The following NEDD4L variants were observed in gnomAD, a reference collection of about 807,000 sequenced individuals.
NEDD4L encodes NEDD4 like E3 ubiquitin protein ligase, also known as E3 ubiquitin-protein ligase NEDD4-like.
NEDD4L carries 54 observed loss-of-function variants against 148.9 expected under a neutral mutation model. The observed-to-expected ratio is 0.36, with a 90% CI of 0.29 to 0.45. The LOEUF (loss-of-function observed/expected upper bound fraction) is 0.45, where lower values mean the gene tolerates loss of function less well. NEDD4L is among the 20% of genes least tolerant of loss of function. The pLI is 1.00. For missense variants in NEDD4L, 856 were observed against 1,233.8 expected, an observed-to-expected ratio of 0.69 and a Z score of 4.59; for synonymous variants, 433 against 440.7, an observed-to-expected ratio of 0.98 and a Z score of 0.22.
intron 5 of NEDD4L, among the ~76,000 whole-genome samples, chr18:58,291,138 A>G (rs1404358175): frequency 3.4e-5 from 5 of 149,018 alleles, no homozygotes; most frequent in African/African-American, 9.8e-5. Context: ...TCACACAGAG[A>G]ACCAGGCCGA....
intron 2 of NEDD4L, among the ~76,000 whole-genome samples, chr18:58,166,571 AT>A (rs2036870485): frequency 1.3e-5 from 2 of 152,308 alleles, no homozygotes; most frequent in South Asian, 4.1e-4. Flanking sequence ...GACATGAGTG[AT>A]GTTCTAGTCC....
Position 58,357,342 on chromosome 18 carries a change from AGGG to A in NEDD4L, c.1767+91_1767+93del, listed in dbSNP as rs1280737978. 7.1e-6 allele frequency: 8 copies of A among 1,128,368 alleles called. No homozygotes were observed. In the African/African-American group the frequency reaches 1.2e-4, roughly 17 times the overall value. 69.9% of individuals were successfully genotyped at this position (1,128,368 alleles called of 1,614,324 possible). The stretch of plus-strand genomic sequence containing the variant: ...TGTATTACTGATAACGGTGATGTCA[AGGG>A]ACAACGGTGATTGAGTAGTTGACTA... On this transcript the variant is annotated intron_variant, in intron 19 of 30. Coordinates refer to ENST00000400345, the MANE Select transcript of NEDD4L (RefSeq NM_001144967.3).
rs192060981 is a variant in NEDD4L at position 58,194,800 on chromosome 18, G to A, written c.122+28939G>A. Among the ~76,000 whole-genome samples the A allele has an allele frequency of 1.4e-4, 22 of 152,336 alleles. No homozygotes were observed. The East Asian group carries it at 3.3e-3, about 23-fold the overall frequency. On this transcript the variant is annotated intron_variant, in intron 2 of 30. Coordinates refer to ENST00000400345, the MANE Select transcript of NEDD4L (RefSeq NM_001144967.3). ...GAGAAGGTGAAAGGGGTGACTGGTT[G>A]ATTTCGGATAATACTTTTAGAGCCA... is the stretch of plus-strand genomic sequence containing the variant.
At chr18:58,298,431 T>G (rs2055993737) in intron 5 of NEDD4L, among the ~76,000 whole-genome samples, 1 of 152,222 alleles carries the variant, frequency 6.6e-6, no homozygotes, top group Non-Finnish European at 1.5e-5. Context: ...CAATTAGGGC[T>G]TGATTCACCG....
At chr18:58,381,537 C>G (rs777090070) in intron 24 of NEDD4L, among the ~76,000 whole-genome samples, 18 of 152,094 alleles carry the variant, frequency 1.2e-4, no homozygotes, top group Non-Finnish European at 2.5e-4. Flanking sequence ...CTTCCCTGTG[C>G]GAGGGGAAAG....
intron 18 of NEDD4L, among the ~76,000 whole-genome samples, chr18:58,355,174 G>C (rs970790697): frequency 6.6e-6 from 1 of 152,144 alleles, no homozygotes; most frequent in Non-Finnish European, 1.5e-5. Context: ...ACTGGGGTTG[G>C]GGGGTGAGAC....
At chr18:58,370,306 A>T (rs2046684048) in intron 22 of NEDD4L, 91 bp from the exon 23 acceptor site, 1 of 800,898 alleles carries the variant, frequency 1.2e-6, no homozygotes, top group Non-Finnish European at 2.2e-6. Flanking sequence ...TTTCTCATTT[A>T]CATTGAAAGC....
chr18:58,299,235 C>T (rs947966961), intron 5 of NEDD4L, among the ~76,000 whole-genome samples: 14 of 152,216 alleles, frequency 9.2e-5, no homozygotes, highest in African/African-American at 3.4e-4. Flanking sequence ...GCATGATAAG[C>T]GATTTGAGAA....
intron 19 of NEDD4L, among the ~76,000 whole-genome samples, chr18:58,357,907 G>A (rs1385549511): frequency 1.3e-5 from 2 of 152,180 alleles, no homozygotes; most frequent in East Asian, 3.8e-4. Context: ...TTGTTAACAA[G>A]TCTGTAGAAT....
intron 2 of NEDD4L, among the ~76,000 whole-genome samples, chr18:58,224,109 G>A (rs992841702): frequency 3.9e-5 from 6 of 152,212 alleles, no homozygotes; most frequent in Admixed American, 6.5e-5. Context: ...GTGGAGTTCC[G>A]TAGAATACAT....
At chr18:58,046,536 A>G (rs1025402598) in intron 1 of NEDD4L, 1 of 152,362 alleles carries the variant, frequency 6.6e-6, no homozygotes, top group African/African-American at 2.4e-5. Flanking sequence ...AGCTGGATAA[A>G]TGAAACACGT....
rs531739509 is a variant in NEDD4L, at chr18:58,386,303, G to A, written c.2487+717G>A. Reference sequence around the variant, plus strand: ...CCTGACCTCATGATCCACCCGCCCCGGCCTCCCAAAGTGCTGGGATTACAG... The same window carrying A: ...CCTGACCTCATGATCCACCCGCCCCAGCCTCCCAAAGTGCTGGGATTACAG... On this transcript the variant is annotated intron_variant, in intron 26 of 30. Transcript: ENST00000400345. 2.2e-4 allele frequency among the ~76,000 whole-genome samples: 33 copies of A among 152,098 alleles called. No individual in the cohort carries two copies. In the East Asian group the frequency reaches 5.4e-3, roughly 25 times the overall value.
chr18:58,044,469 A>C lies in NEDD4L; in HGVS notation c.-192A>C. On this transcript the variant is annotated 5_prime_UTR_variant, in exon 1 of 31. Transcript: ENST00000400345. ...CTGGTCCCGCAGCCTTCCGGGAGGA[A>C]GCGGTGCCGGCAGCGTCCAGGGCGC... The C allele has an allele frequency of 1.3e-5, 8 of 592,592 alleles. No individual in the cohort carries two copies. Among genetic ancestry groups the C allele is most frequent in the East Asian group, 4.1e-5 (1 of 24,248 alleles). 36.7% of individuals were successfully genotyped at this position (592,592 alleles called of 1,614,324 possible).
At chr18:58,379,512 G>A (rs1280568394) in intron 24 of NEDD4L, among the ~76,000 whole-genome samples, 1 of 152,204 alleles carries the variant, frequency 6.6e-6, no homozygotes, top group Non-Finnish European at 1.5e-5. Context: ...TAGTTAGAGT[G>A]ATGGTGAGAC....
At chr18:58,287,211 G>A (rs767541886) in intron 5 of NEDD4L, among the ~76,000 whole-genome samples, 1 of 151,866 alleles carries the variant, frequency 6.6e-6, no homozygotes, top group Non-Finnish European at 1.5e-5. Flanking sequence ...GATCAAAAAG[G>A]CAGCTCTCAA....
chr18:58,376,639 GACCCCCGACCC>G (rs1334692759), intron 24 of NEDD4L, among the ~76,000 whole-genome samples: 1 of 152,044 alleles, frequency 6.6e-6, no homozygotes, highest in Non-Finnish European at 1.5e-5. Flanking sequence ...TTCCCCACTA[GACCCCCGACCC>G]GTCTCTACAT....
Position 58,381,284 on chromosome 18 carries a change from A to G in NEDD4L, c.2353-1962A>G, listed in dbSNP as rs556871589. On this transcript the variant is annotated intron_variant, in intron 24 of 30. Transcript: ENST00000400345. ...GAGAACCAGTTCTCTGCACTCAGCA[A>G]CACTGGCTTATTTTCTCTCTCATCC... Among the ~76,000 whole-genome samples the G allele has an allele frequency of 1.8e-4, 28 of 152,332 alleles. 1 individual carries two copies. The highest frequency in any genetic ancestry group is 6.5e-4 in the African/African-American group (27 of 41,570).
chr18:58,331,070 G>A (rs1221979470), intron 11 of NEDD4L, among the ~76,000 whole-genome samples, 156 bp downstream of exon 11: 2 of 152,204 alleles, frequency 1.3e-5, no homozygotes, highest in Admixed American at 6.5e-5. Flanking sequence ...GGAGAAGCAG[G>A]ACTGTACTAA....
intron 1 of NEDD4L, among the ~76,000 whole-genome samples, chr18:58,154,682 G>A (rs2035238556): frequency 6.6e-6 from 1 of 152,214 alleles, no homozygotes; most frequent in Admixed American, 6.5e-5. Flanking sequence ...AGCTACTTGG[G>A]AGGCTGAGGC....
Sources: gnomAD v4.1 joint callset for allele counts (sites outside exome capture counted in the v4.1 genomes callset) on GRCh38, gnomAD v4.1.1 for gene constraint, MANE v1.5 for transcripts, NCBI Gene and HGNC (gene_info 2026-07-23, HGNC 2026-07-21) for gene names.